The following MAP3K20 variants were observed in gnomAD, a reference collection of about 807,000 sequenced individuals.
MAP3K20 encodes the protein mitogen-activated protein kinase kinase kinase 20.
In MAP3K20, 40 loss-of-function variants were observed where a neutral mutation model predicts 85.7. The ratio of observed to expected loss-of-function variants is 0.47; its 90% CI spans 0.36 to 0.61. The LOEUF (loss-of-function observed/expected upper bound fraction) is 0.61. MAP3K20 is among the 20% of genes least tolerant of loss of function. The probability of loss-of-function intolerance (pLI) is 0.00; values close to 1 mark genes in which losing one functional copy is unlikely to be tolerated. For synonymous variants in MAP3K20, 325 were observed against 327.7 expected (o/e 0.99, Z 0.09); for missense variants, 817 against 961.7 (o/e 0.85, Z 1.99).
At chr2:173,199,814 G>A (rs942352252) in intron 8 of MAP3K20, among the ~76,000 whole-genome samples, 1 of 152,050 alleles carries the variant, frequency 6.6e-6, no homozygotes, top group African/African-American at 2.4e-5. Flanking sequence ...AAACATTGGA[G>A]TATCCGTGAA....
intron 2 of MAP3K20, among the ~76,000 whole-genome samples, chr2:173,113,489 G>A (rs1446974242): frequency 6.6e-6 from 1 of 152,030 alleles, no homozygotes; most frequent in Non-Finnish European, 1.5e-5. Context: ...ACCTTAGAAT[G>A]TCAGTTTGTG....
At chr2:173,091,281 G>A in intron 2 of MAP3K20, 91 bp downstream of exon 2, 1 of 1,358,160 alleles carries the variant, frequency 7.4e-7, no homozygotes, top group Non-Finnish European at 1.0e-6. Flanking sequence ...GGCTGCAAGA[G>A]ACCTAGCAAG....
intron 11 of MAP3K20, chr2:173,222,666 A>G: frequency 1.0e-6 from 1 of 985,064 alleles, no homozygotes; most frequent in Non-Finnish European, 1.2e-6. Flanking sequence ...ATTAAATATT[A>G]TAAAAGAAAT....
rs1685349530 is a variant in MAP3K20 at position 173,263,755 on chromosome 2, G to C, written c.1562G>C (p.Arg521Thr). The stretch of plus-strand genomic sequence containing the variant: ...TGTTTGTTTTACCAGAGTGATGTTA[G>C]AACTCCAAAAAGCACTAAACATGTC... ...ECTVTYESDVRTPKSTKHVHS... is the reference protein window; with the variant it reads ...ECTVTYESDVTTPKSTKHVHS... The change falls in exon 19 of 20, where the codon AGA becomes ACA. Residue 521 changes from arginine (R) to threonine (T), a missense_variant. Arg to Thr is a moderately conservative substitution (Grantham distance 71). Around this residue, in one of 4 missense-constraint regions of MAP3K20, gnomAD observed 454 missense variants for 476.9 expected, o/e 0.95. Transcript: ENST00000375213. 1 of 1,606,700 alleles carries C rather than the reference G, an allele frequency of 6.2e-7. No individual in the cohort carries two copies. The highest frequency in any genetic ancestry group is 1.3e-5 in the African/African-American group (1 of 74,490).
chr2:173,263,972 CT>C (rs1685354684), intron 19 of MAP3K20, 77 bp downstream of exon 19: 27 of 1,519,508 alleles, frequency 1.8e-5, no homozygotes, highest in Non-Finnish European at 2.4e-5. Flanking sequence ...GATCTAAAGA[CT>C]CAGAGGATAC....
Position 173,150,556 on chromosome 2 carries a change from G to A in MAP3K20, c.160-19249G>A, listed in dbSNP as rs1393682681. 3.3e-5 allele frequency among the ~76,000 whole-genome samples: 5 copies of A among 152,122 alleles called. No individual in the cohort carries two copies. The East Asian group carries it at 7.7e-4, about 23-fold the overall frequency. ...GTTCTGTGTATCCGAGTTCAGTTCT[G>A]CATATCCTTAAAAAAATTTTTTTTC... On this transcript the variant is annotated intron_variant, in intron 2 of 19. Coordinates refer to ENST00000375213, the MANE Select transcript of MAP3K20 (RefSeq NM_016653.3).
intron 12 of MAP3K20, among the ~76,000 whole-genome samples, chr2:173,231,728 G>A (rs1684527275): frequency 6.6e-6 from 1 of 152,128 alleles, no homozygotes; most frequent in South Asian, 2.1e-4. Flanking sequence ...ATTCTACATA[G>A]GAAGCTCCAC....
At chr2:173,153,338 G>A (rs1464098383) in intron 2 of MAP3K20, among the ~76,000 whole-genome samples, 1 of 152,164 alleles carries the variant, frequency 6.6e-6, no homozygotes, top group Non-Finnish European at 1.5e-5. Flanking sequence ...TATTAAATAT[G>A]TTAAAACTTT....
At chr2:173,182,771 T>C in intron 3 of MAP3K20, 83 bp from the exon 4 acceptor site, 1 of 974,918 alleles carries the variant, frequency 1.0e-6, no homozygotes, top group Non-Finnish European at 1.4e-6. Flanking sequence ...TTCTTTAATG[T>C]ATTTTCTCAA....
intron 2 of MAP3K20, among the ~76,000 whole-genome samples, chr2:173,156,651 GC>G (rs1689481319): frequency 6.6e-6 from 1 of 152,162 alleles, no homozygotes. Flanking sequence ...AGAATCTAAT[GC>G]TGCCTCTGAT....
At chr2:173,204,804 G>A (rs1343983374) in intron 9 of MAP3K20, among the ~76,000 whole-genome samples, 1 of 152,088 alleles carries the variant, frequency 6.6e-6, no homozygotes, top group Admixed American at 6.6e-5. Flanking sequence ...TCCATAATGA[G>A]TTAAAAAATA....
At chr2:173,183,151 C>T (rs1458818811) in intron 4 of MAP3K20, among the ~76,000 whole-genome samples, 196 bp downstream of exon 4, 1 of 152,112 alleles carries the variant, frequency 6.6e-6, no homozygotes, top group East Asian at 1.9e-4. Context: ...TTCCTTTTAT[C>T]TTCCTCTTAA....
chr2:173,132,040 T>G (rs1688633377), intron 2 of MAP3K20, among the ~76,000 whole-genome samples: 2 of 152,156 alleles, frequency 1.3e-5, no homozygotes, highest in South Asian at 4.1e-4. Flanking sequence ...AAATGAGTGT[T>G]TAGCTGTATT....
intron 14 of MAP3K20, among the ~76,000 whole-genome samples, chr2:173,235,593 G>C (rs915368986): frequency 2.0e-5 from 3 of 152,214 alleles, no homozygotes; most frequent in African/African-American, 7.2e-5. Context: ...AAGGGTTCTT[G>C]ACTGCCTAAT....
Position 173,229,840 on chromosome 2 carries a change from G to A in MAP3K20, c.1032+107G>A, listed in dbSNP as rs1022149627. ...GGGCCTTAGGAAAGTCTAACTAGGA[G>A]AGGTTGACAAATTCTTTTCTCACTC... On this transcript the variant is annotated intron_variant, in intron 12 of 19. Coordinates refer to ENST00000375213, the MANE Select transcript of MAP3K20 (RefSeq NM_016653.3). 4 of 1,258,398 alleles carry A rather than the reference G, an allele frequency of 3.2e-6. No individual in the cohort carries two copies. The Admixed American group carries it at 5.3e-5, about 17-fold the overall frequency. The allele number at this position is 1,258,398 out of a possible 1,614,324, so 78.0% of individuals were successfully genotyped here. A position where few individuals can be genotyped will look rare whatever the true frequency, so the allele number is the denominator to read the frequency against.
chr2:173,110,186 TA>T (rs1370413859), intron 2 of MAP3K20, among the ~76,000 whole-genome samples: 3 of 124,838 alleles, frequency 2.4e-5, no homozygotes, highest in South Asian at 2.6e-4. Context: ...AAAATATATA[TA>T]ATATATGTTA....
At chr2:173,091,965 T>C (rs1687313778) in intron 2 of MAP3K20, among the ~76,000 whole-genome samples, 1 of 152,246 alleles carries the variant, frequency 6.6e-6, no homozygotes, top group Admixed American at 6.5e-5. Flanking sequence ...CTGGTTTTGG[T>C]CATTTCTATT....
At chr2:173,128,940 T>TG (rs11383732) in intron 2 of MAP3K20, among the ~76,000 whole-genome samples, 2 of 149,278 alleles carry the variant, frequency 1.3e-5, no homozygotes, top group African/African-American at 4.9e-5. Context: ...TTTTTTTTTT[T>TG]GAGGCAGAGT....
chr2:173,264,021 T>C (rs757780981), intron 19 of MAP3K20, 126 bp downstream of exon 19: 4 of 1,345,162 alleles, frequency 3.0e-6, no homozygotes, highest in South Asian at 1.6e-5. Context: ...GAGCTTCGAG[T>C]AGCAGAAAAC....
Sources: gnomAD v4.1 joint callset for allele counts (sites outside exome capture counted in the v4.1 genomes callset) on GRCh38, gnomAD v4.1.1 for gene constraint, gnomAD v4.1.1 regional missense constraint, MANE v1.5 for transcripts, NCBI Gene and HGNC (gene_info 2026-07-23, HGNC 2026-07-21) for gene names.